Variants in CADM2 observed in about 807,000 individuals in gnomAD.
The protein encoded by CADM2 is cell adhesion molecule 2.
Under a neutral mutation model 49.8 loss-of-function variants are expected in CADM2, and 12 were observed. The observed-to-expected ratio is 0.24, with a 90% CI of 0.15 to 0.39. CADM2 has a LOEUF of 0.39. CADM2 is among the 10% of genes least tolerant of loss of function. CADM2 has a pLI of 1.00. For missense variants in CADM2, 378 were observed against 492.3 expected, an observed-to-expected ratio of 0.77 and a Z score of 2.20; for synonymous variants, 214 against 175.4, an observed-to-expected ratio of 1.22 and a Z score of -1.74.
chr3:85,813,029 T>C (rs1398402893), intron 3 of CADM2, among the ~76,000 whole-genome samples: 1 of 152,196 alleles, frequency 6.6e-6, no homozygotes, highest in Non-Finnish European at 1.5e-5. Flanking sequence ...TGTGTCTTTA[T>C]AGTAGAATAA....
chr3:85,014,448 A>C (rs1206450021), intron 1 of CADM2, among the ~76,000 whole-genome samples: 1 of 152,178 alleles, frequency 6.6e-6, no homozygotes, highest in Non-Finnish European at 1.5e-5. Context: ...CATAGTGTGC[A>C]TAGGAAAAAA....
intron 1 of CADM2, among the ~76,000 whole-genome samples, chr3:85,524,165 C>T (rs1304072189): frequency 6.6e-6 from 1 of 152,078 alleles, no homozygotes; most frequent in Admixed American, 6.6e-5. Flanking sequence ...TATGAGCCTT[C>T]CCAAAGAGGC....
chr3:85,605,274 A>G (rs934717756), intron 1 of CADM2, among the ~76,000 whole-genome samples: 1 of 152,064 alleles, frequency 6.6e-6, no homozygotes, highest in African/African-American at 2.4e-5. Context: ...AGAAAGGCAA[A>G]TTCCTGTGGT....
chr3:86,000,379 C>T (rs1223024893), intron 8 of CADM2, among the ~76,000 whole-genome samples: 2 of 152,024 alleles, frequency 1.3e-5, no homozygotes, highest in African/African-American at 2.4e-5. Flanking sequence ...CTCATTCATT[C>T]CTTGAATAAT....
intron 1 of CADM2, among the ~76,000 whole-genome samples, chr3:85,300,050 C>T (rs2044057022): frequency 6.6e-6 from 1 of 152,002 alleles, no homozygotes; most frequent in Admixed American, 6.6e-5. Context: ...ACATGTTTTT[C>T]TCATTTACAT....
chr3:85,637,242 A>G (rs1307729940), intron 1 of CADM2, among the ~76,000 whole-genome samples: 2 of 152,212 alleles, frequency 1.3e-5, no homozygotes, highest in Non-Finnish European at 2.9e-5. Flanking sequence ...TTTAATATCA[A>G]TAATTTAATT....
At chr3:85,420,818 G>A (rs2036136485) in intron 1 of CADM2, among the ~76,000 whole-genome samples, 1 of 152,148 alleles carries the variant, frequency 6.6e-6, no homozygotes. Flanking sequence ...ATTCATAAGA[G>A]CTGATGCTCA....
intron 1 of CADM2, among the ~76,000 whole-genome samples, chr3:85,529,443 C>T (rs1183244943): frequency 6.6e-6 from 1 of 152,124 alleles, no homozygotes; most frequent in Non-Finnish European, 1.5e-5. Context: ...ATTGCTTCTG[C>T]CAATGATTTA....
chr3:85,597,987 G>T (rs2063292758), intron 1 of CADM2, among the ~76,000 whole-genome samples: 1 of 151,894 alleles, frequency 6.6e-6, no homozygotes, highest in Admixed American at 6.6e-5. Context: ...GAAAATTACA[G>T]ATTCTCTTTT....
At chr3:86,023,855 G>C (rs1190824510) in intron 8 of CADM2, among the ~76,000 whole-genome samples, 1 of 152,066 alleles carries the variant, frequency 6.6e-6, no homozygotes, top group Non-Finnish European at 1.5e-5. Context: ...TCATCACTCT[G>C]ACATGGATCA....
intron 1 of CADM2, among the ~76,000 whole-genome samples, chr3:85,101,357 A>G (rs1241001635): frequency 1.3e-5 from 2 of 152,180 alleles, no homozygotes; most frequent in African/African-American, 2.4e-5. Flanking sequence ...CTATGTTGCT[A>G]GTGTCTAGTT....
chr3:85,193,237 C>G (rs1335515423), intron 1 of CADM2, among the ~76,000 whole-genome samples: 1 of 151,908 alleles, frequency 6.6e-6, no homozygotes, highest in African/African-American at 2.4e-5. Flanking sequence ...AACTGGATAG[C>G]TAGAAAGAAT....
chr3:85,253,509 A>T (rs1337780943), intron 1 of CADM2, among the ~76,000 whole-genome samples: 1 of 152,062 alleles, frequency 6.6e-6, no homozygotes, highest in African/African-American at 2.4e-5. Flanking sequence ...TAGTTTCCTC[A>T]ACCTGCATTT....
intron 1 of CADM2, among the ~76,000 whole-genome samples, chr3:84,966,806 T>A (rs2031030752): frequency 6.6e-6 from 1 of 152,102 alleles, no homozygotes; most frequent in Non-Finnish European, 1.5e-5. Context: ...ATATTTAAAT[T>A]ATCTTTCAGC....
chr3:85,123,224 C>G (rs149328212), intron 1 of CADM2, among the ~76,000 whole-genome samples: 55 of 152,212 alleles, frequency 3.6e-4, no homozygotes, highest in African/African-American at 1.2e-3. Context: ...GCTTTGTCAA[C>G]AACTTCATAG....
chr3:86,052,230 C>G (rs1737427321), intron 8 of CADM2, among the ~76,000 whole-genome samples: 1 of 152,054 alleles, frequency 6.6e-6, no homozygotes, highest in Non-Finnish European at 1.5e-5. Flanking sequence ...ATGAAAAACA[C>G]AGTCTGTACC....
At chr3:86,031,803 T>C (rs989854977) in intron 8 of CADM2, among the ~76,000 whole-genome samples, 3 of 151,632 alleles carry the variant, frequency 2.0e-5, no homozygotes, top group Non-Finnish European at 3.0e-5. Context: ...AGAGTTAGAG[T>C]ATTGGTGTAC....
At chr3:85,102,415 A>T (rs1265522023) in intron 1 of CADM2, among the ~76,000 whole-genome samples, 1 of 152,204 alleles carries the variant, frequency 6.6e-6, no homozygotes, top group Non-Finnish European at 1.5e-5. Context: ...GTATAGAAAA[A>T]GATTTTGATG....
chr3:85,466,369 T>C (rs964113910), intron 1 of CADM2, among the ~76,000 whole-genome samples: 2 of 152,172 alleles, frequency 1.3e-5, no homozygotes, highest in African/African-American at 4.8e-5. Flanking sequence ...TATTTCAACA[T>C]TAAAAAAGTA....
Sources: allele counts gnomAD v4.1 joint callset (sites outside exome capture counted in the v4.1 genomes callset), GRCh38; gene constraint gnomAD v4.1.1; transcripts MANE v1.5; gene names NCBI Gene and HGNC (gene_info 2026-07-23, HGNC 2026-07-21).